The following SLC9A9 variants were observed in gnomAD, a reference collection of about 807,000 sequenced individuals.
SLC9A9 encodes the protein solute carrier family 9 member A9.
A neutral mutation model predicts 77.8 loss-of-function variants in SLC9A9; 62 were observed. The ratio of observed to expected loss-of-function variants is 0.80; its 90% CI spans 0.65 to 0.98. The LOEUF (loss-of-function observed/expected upper bound fraction) is 0.98, where lower values mean the gene tolerates loss of function less well. Ranked by LOEUF, SLC9A9 falls within the 50% of genes least tolerant of loss-of-function variation. The pLI, the probability that SLC9A9 is intolerant of heterozygous loss-of-function variation, is 0.00. For synonymous variants in SLC9A9, 320 were observed against 283.5 expected (o/e 1.13, Z -1.29); for missense variants, 775 against 774.9 (o/e 1.00, Z 0.00).
chr3:143,676,008 G>T (rs1932871849), intron 5 of SLC9A9, among the ~76,000 whole-genome samples: 1 of 152,110 alleles, frequency 6.6e-6, no homozygotes, highest in African/African-American at 2.4e-5. Context: ...GGGGAGGAGG[G>T]CGAGGTGGGG....
At chr3:143,289,530 T>C (rs1032028634) in intron 14 of SLC9A9, among the ~76,000 whole-genome samples, 1 of 152,140 alleles carries the variant, frequency 6.6e-6, no homozygotes, top group Non-Finnish European at 1.5e-5. Context: ...CCTGTCTCAT[T>C]GAACATGTCA....
At chr3:143,311,542 T>C (rs138105936) in intron 14 of SLC9A9, among the ~76,000 whole-genome samples, 101 of 152,318 alleles carry the variant, frequency 6.6e-4, no homozygotes, top group African/African-American at 2.3e-3. Flanking sequence ...GTTGGGTGCT[T>C]CTACTCTAAG....
At chr3:143,363,629 T>A (rs2032817103) in intron 13 of SLC9A9, 66 bp from the exon 14 acceptor site, 4 of 1,413,730 alleles carry the variant, frequency 2.8e-6, no homozygotes, top group Non-Finnish European at 2.0e-6. Flanking sequence ...TAAAAATACA[T>A]GTCAAACCAA....
chr3:143,633,132 T>C (rs919956854), intron 6 of SLC9A9, among the ~76,000 whole-genome samples: 1 of 152,238 alleles, frequency 6.6e-6, no homozygotes, highest in African/African-American at 2.4e-5. Context: ...GATAGAGACC[T>C]ACCAACAATA....
At chr3:143,316,069 G>A (rs61619277) in intron 14 of SLC9A9, among the ~76,000 whole-genome samples, 5,944 of 152,324 alleles carry the variant, frequency 0.039, 154 homozygotes, top group East Asian at 0.15. Context: ...GTTGGCTGAC[G>A]CAGCCAGAAT....
chr3:143,828,460 T>A (rs934030855), intron 2 of SLC9A9, among the ~76,000 whole-genome samples: 3 of 152,062 alleles, frequency 2.0e-5, no homozygotes, highest in Non-Finnish European at 4.4e-5. Context: ...CAATAAGCAA[T>A]GTAAGAATGC....
intron 12 of SLC9A9, among the ~76,000 whole-genome samples, chr3:143,431,452 C>T (rs761974358): frequency 1.7e-4 from 25 of 150,578 alleles, no homozygotes; most frequent in Non-Finnish European, 2.5e-4. Context: ...GATCACATCC[C>T]TTGTTGCGAA....
intron 4 of SLC9A9, among the ~76,000 whole-genome samples, chr3:143,775,514 T>C (rs2007660458): frequency 6.6e-6 from 1 of 152,248 alleles, no homozygotes; most frequent in African/African-American, 2.4e-5. Context: ...ACAGTCTTAC[T>C]GAGTCAGTTT....
chr3:143,817,138 T>G (rs1341168439), intron 2 of SLC9A9, among the ~76,000 whole-genome samples: 1 of 100,164 alleles, frequency 1.0e-5, no homozygotes, highest in Non-Finnish European at 2.0e-5. Context: ...AGTTTATTTT[T>G]TTTTTTATTT....
chr3:143,413,275 A>G (rs1258981801), intron 12 of SLC9A9, among the ~76,000 whole-genome samples: 5 of 152,220 alleles, frequency 3.3e-5, no homozygotes, highest in Non-Finnish European at 5.9e-5. Flanking sequence ...ACTTGTCACA[A>G]TAAGGACCAA....
chr3:143,622,759 A>G (rs1324893078), intron 6 of SLC9A9, among the ~76,000 whole-genome samples: 1 of 152,216 alleles, frequency 6.6e-6, no homozygotes, highest in African/African-American at 2.4e-5. Flanking sequence ...AAATTCACAC[A>G]TAACAATATT....
chr3:143,284,864 G>T (rs1012289150), intron 14 of SLC9A9, among the ~76,000 whole-genome samples: 1 of 152,126 alleles, frequency 6.6e-6, no homozygotes, highest in South Asian at 2.1e-4. Flanking sequence ...TCGTTTATGG[G>T]TAATCTTCCA....
intron 14 of SLC9A9, among the ~76,000 whole-genome samples, chr3:143,357,789 T>C (rs2032633449): frequency 1.3e-5 from 2 of 152,168 alleles, no homozygotes; most frequent in Admixed American, 6.5e-5. Flanking sequence ...TCTTTGTTCC[T>C]GTGAGAGTTT....
chr3:143,311,929 T>G (rs1200398902), intron 14 of SLC9A9, among the ~76,000 whole-genome samples: 1 of 152,228 alleles, frequency 6.6e-6, no homozygotes, highest in Non-Finnish European at 1.5e-5. Flanking sequence ...TCCATTACAC[T>G]TCCCTATCCA....
intron 5 of SLC9A9, among the ~76,000 whole-genome samples, chr3:143,660,526 T>C (rs1407308565): frequency 6.6e-6 from 1 of 152,234 alleles, no homozygotes; most frequent in East Asian, 1.9e-4. Flanking sequence ...TTTCACCTTG[T>C]GAGACTCTGA....
At chr3:143,643,525 C>T (rs1472694705) in intron 6 of SLC9A9, among the ~76,000 whole-genome samples, 4 of 152,164 alleles carry the variant, frequency 2.6e-5, no homozygotes, top group African/African-American at 9.7e-5. Context: ...GCAGTATATG[C>T]CATATAAAAT....
At chr3:143,302,847 G>A (rs957415253) in intron 14 of SLC9A9, among the ~76,000 whole-genome samples, 3 of 152,196 alleles carry the variant, frequency 2.0e-5, no homozygotes, top group African/African-American at 7.2e-5. Flanking sequence ...ACGTTTTCTG[G>A]AATTCGATGT....
At chr3:143,815,414 C>A (rs1056290482) in intron 2 of SLC9A9, among the ~76,000 whole-genome samples, 6 of 152,118 alleles carry the variant, frequency 3.9e-5, no homozygotes, top group Admixed American at 1.3e-4. Context: ...TGGGGAGAAG[C>A]GTGGCAGTAA....
At chr3:143,755,414 G>A (rs1447212468) in intron 4 of SLC9A9, among the ~76,000 whole-genome samples, 1 of 152,186 alleles carries the variant, frequency 6.6e-6, no homozygotes, top group Admixed American at 6.5e-5. Context: ...ACAGCAAGGA[G>A]GAGGTTCACA....
Sources: gnomAD v4.1 joint callset for allele counts (sites outside exome capture counted in the v4.1 genomes callset) on GRCh38, gnomAD v4.1.1 for gene constraint, MANE v1.5 for transcripts, NCBI Gene and HGNC (gene_info 2026-07-23, HGNC 2026-07-21) for gene names.